Variants in KIAA1958 observed in about 807,000 individuals in gnomAD.
KIAA1958 encodes the protein uncharacterized protein KIAA1958.
Under a neutral mutation model 47.2 loss-of-function variants are expected in KIAA1958, and 14 were observed. The observed-to-expected ratio is 0.30, with a 90% CI of 0.20 to 0.46. The LOEUF (loss-of-function observed/expected upper bound fraction) is 0.46. Ranked by LOEUF, KIAA1958 falls within the 20% of genes least tolerant of loss-of-function variation. The pLI is 1.00. For missense variants in KIAA1958, 803 were observed against 909.2 expected, an observed-to-expected ratio of 0.88 and a Z score of 1.50; for synonymous variants, 354 against 353.3, an observed-to-expected ratio of 1.00 and a Z score of -0.02.
intron 1 of KIAA1958, among the ~76,000 whole-genome samples, chr9:112,568,537 C>T (rs57997142): frequency 6.6e-6 from 1 of 151,948 alleles, no homozygotes; most frequent in East Asian, 1.9e-4. Context: ...ATGTTTATAC[C>T]TCCAGTTTTG....
chr9:112,635,214 T>TTTTGTGTG (rs1403616590), intron 2 of KIAA1958, among the ~76,000 whole-genome samples: 4 of 130,352 alleles, frequency 3.1e-5, no homozygotes, highest in Non-Finnish European at 3.2e-5. Flanking sequence ...ATTCTTTATT[T>TTTTGTGTG]TGTGTGTGTG....
intron 2 of KIAA1958, among the ~76,000 whole-genome samples, chr9:112,588,261 AT>A (rs1835863629): frequency 6.6e-6 from 1 of 152,218 alleles, no homozygotes; most frequent in South Asian, 2.1e-4. Flanking sequence ...AGCTATTCAT[AT>A]TCTAAGATTG....
intron 2 of KIAA1958, chr9:112,581,805 G>T (rs1277655676): frequency 4.3e-6 from 1 of 230,418 alleles, no homozygotes; most frequent in South Asian, 7.4e-5. Flanking sequence ...AGATCTCAGA[G>T]AATGTGCAGC....
At position 112,575,049 on chromosome 9, in the gene KIAA1958, C is replaced by T; in HGVS notation, c.969C>T (p.Ile323=). Residue 323 remains isoleucine (I), a synonymous_variant, in exon 2 of 4, where the codon ATC becomes ATT. Transcript: ENST00000337530. ...STSHPNKQIS[I]PLSALQLPGQ... is the part of the protein sequence containing the mutation. ...CCCATCCTAACAAACAGATCAGTAT[C>T]CCCTTGTCTGCCCTGCAGCTGCCTG... The T allele has an allele frequency of 6.2e-7, 1 of 1,613,976 alleles. No individual in the cohort carries two copies. The highest frequency in any genetic ancestry group is 2.2e-5 in the East Asian group (1 of 44,882).
intron 1 of KIAA1958, among the ~76,000 whole-genome samples, chr9:112,540,639 C>T (rs893240882): frequency 9.9e-5 from 15 of 152,002 alleles, no homozygotes; most frequent in Non-Finnish European, 2.1e-4. Flanking sequence ...ATTTCAAAAT[C>T]ATGAAATTAT....
intron 2 of KIAA1958, among the ~76,000 whole-genome samples, chr9:112,627,480 G>C (rs1051497083): frequency 1.3e-5 from 2 of 152,176 alleles, no homozygotes; most frequent in African/African-American, 4.8e-5. Flanking sequence ...CAGGCTGGAG[G>C]TGGTGACTCA....
chr9:112,504,068 A>G (rs753119292), intron 1 of KIAA1958, among the ~76,000 whole-genome samples: 3 of 152,020 alleles, frequency 2.0e-5, no homozygotes, highest in African/African-American at 4.8e-5. Context: ...TCTCAAGTTG[A>G]TTGTAACCTG....
Position 112,667,306 on chromosome 9 carries a change from G to C in KIAA1958, c.*7237G>C, listed in dbSNP as rs898933343. ...TAAAAAAGTCAATGGGCCAGGCGCG[G>C]TGGCTCACGCCTATAATCCAAGCAC... On this transcript the variant is annotated 3_prime_UTR_variant, in exon 4 of 4. Transcript: ENST00000337530. 6.6e-6 allele frequency: 1 copy of C among 152,232 alleles called. No homozygotes were observed. The highest frequency in any genetic ancestry group is 6.5e-5 in the Admixed American group (1 of 15,278). The allele number at this position is 152,232 out of a possible 1,614,324, so 9.4% of individuals were successfully genotyped here. A position where few individuals can be genotyped will look rare whatever the true frequency, so the allele number is the denominator to read the frequency against.
At chr9:112,555,251 C>T (rs1243342146) in intron 1 of KIAA1958, among the ~76,000 whole-genome samples, 1 of 152,184 alleles carries the variant, frequency 6.6e-6, no homozygotes, top group African/African-American at 2.4e-5. Context: ...GAGCTTACCT[C>T]CAGGCAATAT....
chr9:112,622,848 C>T (rs1836533822), intron 2 of KIAA1958, among the ~76,000 whole-genome samples: 1 of 152,120 alleles, frequency 6.6e-6, no homozygotes, highest in Admixed American at 6.6e-5. Context: ...GTAGTCACAT[C>T]AACAGTATTT....
intron 1 of KIAA1958, among the ~76,000 whole-genome samples, chr9:112,506,605 T>C (rs1038200936): frequency 2.6e-5 from 4 of 152,230 alleles, no homozygotes; most frequent in African/African-American, 9.6e-5. Flanking sequence ...AAGGTTCCGT[T>C]ACTTTTTTTA....
intron 1 of KIAA1958, among the ~76,000 whole-genome samples, chr9:112,531,044 G>A (rs1588004391): frequency 6.6e-6 from 1 of 152,272 alleles, no homozygotes; most frequent in Non-Finnish European, 1.5e-5. Context: ...CATAGAAAAT[G>A]CTTAAGATAA....
intron 1 of KIAA1958, among the ~76,000 whole-genome samples, chr9:112,557,498 G>A (rs1016921141): frequency 5.3e-5 from 8 of 152,210 alleles, no homozygotes; most frequent in Admixed American, 5.2e-4. Context: ...GGCCTCAGCA[G>A]CCAGGAAGAT....
chr9:112,546,900 C>T (rs1269474578), intron 1 of KIAA1958, among the ~76,000 whole-genome samples: 1 of 151,926 alleles, frequency 6.6e-6, no homozygotes, highest in Non-Finnish European at 1.5e-5. Flanking sequence ...TCCTTGACAC[C>T]CTGAGCTTTC....
intron 1 of KIAA1958, among the ~76,000 whole-genome samples, chr9:112,545,467 GCTTTTCTTGT>G (rs1295587105): frequency 3.3e-5 from 5 of 152,056 alleles, no homozygotes; most frequent in African/African-American, 1.2e-4. Context: ...TCAGGGTTTG[GCTTTTCTTGT>G]TATATGCCAT....
intron 1 of KIAA1958, among the ~76,000 whole-genome samples, chr9:112,512,504 C>G (rs1834339669): frequency 1.3e-5 from 2 of 151,992 alleles, no homozygotes; most frequent in South Asian, 4.2e-4. Context: ...GAGATCTTTT[C>G]AACCTGATAA....
intron 2 of KIAA1958, among the ~76,000 whole-genome samples, chr9:112,626,989 A>G (rs1293175145): frequency 6.6e-6 from 1 of 152,182 alleles, no homozygotes; most frequent in Non-Finnish European, 1.5e-5. Flanking sequence ...TTGTAGTTAA[A>G]CTGAAAAACT....
At chr9:112,509,858 C>T (rs945987231) in intron 1 of KIAA1958, among the ~76,000 whole-genome samples, 18 of 152,080 alleles carry the variant, frequency 1.2e-4, no homozygotes, top group African/African-American at 4.3e-4. Context: ...ATGGAGAAGC[C>T]ACTGTGATGA....
At position 112,635,093 on chromosome 9, in the gene KIAA1958, G is replaced by A. The variant is rs113134925; in HGVS notation, c.1172-10557G>A. Among the ~76,000 whole-genome samples the A allele has an allele frequency of 2.6e-5, 4 of 152,174 alleles. 1 individual carries two copies. Among genetic ancestry groups the A allele is most frequent in the African/African-American group, 9.6e-5 (4 of 41,504 alleles). ...TGGCTTATTTTTATATAAAAGTTAT[G>A]CAGTCCTATAAAAGAAGTGAGTGTT... On this transcript the variant is annotated intron_variant, in intron 2 of 3. Coordinates refer to ENST00000337530, the MANE Select transcript of KIAA1958 (RefSeq NM_133465.4).
Sources: gnomAD v4.1 joint callset for allele counts (sites outside exome capture counted in the v4.1 genomes callset) on GRCh38, gnomAD v4.1.1 for gene constraint, MANE v1.5 for transcripts, NCBI Gene and HGNC (gene_info 2026-07-23, HGNC 2026-07-21) for gene names.